The following GPAT4 variants were observed in gnomAD, a reference collection of about 807,000 sequenced individuals.
GPAT4 encodes the protein 1-AGP acyltransferase 6.
In GPAT4, 17 loss-of-function variants were observed where a neutral mutation model predicts 58.0. The ratio of observed to expected loss-of-function variants is 0.29; its 90% CI spans 0.20 to 0.44. The LOEUF is 0.44. Among genes scored for constraint, GPAT4 ranks in the 20% least tolerant of loss-of-function variants. GPAT4 has a pLI of 1.00. For missense variants in GPAT4, 377 were observed against 574.5 expected, an observed-to-expected ratio of 0.66 and a Z score of 3.51; for synonymous variants, 204 against 210.1, an observed-to-expected ratio of 0.97 and a Z score of 0.25.
Position 41,586,292 on chromosome 8 carries a change from A to C in GPAT4, c.-849+8014A>C, listed in dbSNP as rs534731740. Among the ~76,000 whole-genome samples the C allele has an allele frequency of 2.0e-5, 3 of 152,326 alleles. No homozygotes were observed. In the South Asian group the frequency reaches 6.2e-4, roughly 32 times the overall value. On this transcript the variant is annotated intron_variant, in intron 1 of 12. Coordinates refer to ENST00000396987, the MANE Select transcript of GPAT4 (RefSeq NM_178819.4). ...AAAGGTTCCATTGTATGGATACACC[A>C]CATTTTGTTTATCCAGTCATCAGTT...
At position 41,611,890 on chromosome 8, in the gene GPAT4, C is replaced by T. The variant is rs1459530783; in HGVS notation, c.612-13C>T. On this transcript the variant is annotated splice_polypyrimidine_tract_variant and intron_variant, in intron 5 of 12. Coordinates refer to ENST00000396987, the MANE Select transcript of GPAT4 (RefSeq NM_178819.4). Reference sequence around the variant, plus strand: ...GTAAAATAAAACCCAGAATCCTTGTCCTGTTATTGCAGGTTTAAGGAGTTC... The same window carrying T: ...GTAAAATAAAACCCAGAATCCTTGTTCTGTTATTGCAGGTTTAAGGAGTTC... 6.2e-7 allele frequency: 1 copy of T among 1,612,468 alleles called. No homozygotes were observed. Among genetic ancestry groups the T allele is most frequent in the Admixed American group, 1.7e-5 (1 of 59,976 alleles).
At chr8:41,599,424 G>T (rs976429977) in intron 2 of GPAT4, 120 bp downstream of exon 2, 29 of 1,231,184 alleles carry the variant, frequency 2.4e-5, no homozygotes, top group Non-Finnish European at 3.2e-5. Context: ...GGGAGAATGG[G>T]AAGTGGCTTT....
At chr8:41,599,827 C>T (rs796961353) in intron 2 of GPAT4, among the ~76,000 whole-genome samples, 8 of 152,264 alleles carry the variant, frequency 5.3e-5, no homozygotes, top group African/African-American at 9.6e-5. Flanking sequence ...CCAAACTGGT[C>T]ACATTGTAAG....
intron 2 of GPAT4, among the ~76,000 whole-genome samples, chr8:41,605,709 G>C (rs1803244175): frequency 6.6e-6 from 1 of 152,108 alleles, no homozygotes. Context: ...AGTAGTTGGG[G>C]TTACAGGCCT....
chr8:41,586,739 C>CT (rs1442381623), intron 1 of GPAT4, among the ~76,000 whole-genome samples: 1 of 152,154 alleles, frequency 6.6e-6, no homozygotes, highest in Non-Finnish European at 1.5e-5. Flanking sequence ...GATCCCCCTC[C>CT]TTTTTTTAGA....
chr8:41,618,097 G>C (rs1449927307), intron 10 of GPAT4, among the ~76,000 whole-genome samples: 2 of 152,246 alleles, frequency 1.3e-5, no homozygotes, highest in Admixed American at 1.3e-4. Flanking sequence ...CTGTCAGCGT[G>C]AGCACAGAGC....
At chr8:41,582,440 A>G (rs1802540848) in intron 1 of GPAT4, among the ~76,000 whole-genome samples, 1 of 122,928 alleles carries the variant, frequency 8.1e-6, no homozygotes, top group Non-Finnish European at 1.7e-5. Flanking sequence ...AGGGTGGGAA[A>G]GTATACACAC....
intron 8 of GPAT4, among the ~76,000 whole-genome samples, chr8:41,614,140 T>G (rs1404111689): frequency 6.6e-6 from 1 of 152,146 alleles, no homozygotes; most frequent in Non-Finnish European, 1.5e-5. Context: ...TTGAGTGGCA[T>G]CATTGGTGCT....
intron 1 of GPAT4, chr8:41,584,749 G>A (rs1290511693): frequency 6.6e-6 from 1 of 151,908 alleles, no homozygotes; most frequent in African/African-American, 2.4e-5. Context: ...TTTTGGTTTT[G>A]TTTTCTGTTT....
intron 1 of GPAT4, among the ~76,000 whole-genome samples, chr8:41,582,077 C>T (rs1388903903): frequency 1.6e-5 from 2 of 128,922 alleles, no homozygotes; most frequent in Non-Finnish European, 3.1e-5. Flanking sequence ...GGCGAGATCT[C>T]GGCTCTCTGC....
chr8:41,622,543 CCT>C lies in GPAT4; in HGVS notation c.*1546_*1547del, dbSNP rs1279030166. The stretch of plus-strand genomic sequence containing the variant: ...GCTCCCTCGTGGCACAGTCATGATG[CCT>C]CTCAGGATTTTGTGCCTGTGGTGCT... On this transcript the variant is annotated 3_prime_UTR_variant, in exon 13 of 13. Coordinates refer to ENST00000396987, the MANE Select transcript of GPAT4 (RefSeq NM_178819.4). 6.6e-6 allele frequency: 1 copy of C among 152,388 alleles called. No homozygotes were observed. The highest frequency in any genetic ancestry group is 1.5e-5 in the Non-Finnish European group (1 of 68,114). The allele number at this position is 152,388 out of a possible 1,614,324, so 9.4% of individuals were successfully genotyped here.
intron 12 of GPAT4, 84 bp from the exon 13 acceptor site, chr8:41,620,809 T>C (rs1280550830): frequency 6.6e-7 from 1 of 1,520,474 alleles, no homozygotes; most frequent in Non-Finnish European, 8.9e-7. Flanking sequence ...TCTTGGTGTT[T>C]GGGCAGCATG....
Position 41,600,031 on chromosome 8 carries a change from C to CTTTTTTTTTTTTTT in GPAT4, c.165+731_165+732insTTTTTTTTTTTTTT, listed in dbSNP as rs1563273268. 1.2e-4 allele frequency among the ~76,000 whole-genome samples: 9 copies of CTTTTTTTTTTTTTT among 75,404 alleles called. 1 individual carries two copies. The highest frequency in any genetic ancestry group is 4.5e-4 in the African/African-American group (8 of 17,842). The allele number at this position is 75,404 out of a possible 152,430, so 49.5% of individuals were successfully genotyped here. ...AGCATTGTTCATATTTTATCTTTTT[C>CTTTTTTTTTTTTTT]TTTTCTTTTTTTTTTTTTTTTTTCG... is the stretch of plus-strand genomic sequence containing the variant. On this transcript the variant is annotated intron_variant, in intron 2 of 12. Transcript: ENST00000396987.
At chr8:41,590,596 G>A (rs1199434663) in intron 1 of GPAT4, among the ~76,000 whole-genome samples, 3 of 152,188 alleles carry the variant, frequency 2.0e-5, no homozygotes, top group East Asian at 3.8e-4. Context: ...ATTACTTGAG[G>A]GTGGTATATG....
chr8:41,581,349 C>G (rs1415224504), intron 1 of GPAT4, among the ~76,000 whole-genome samples: 2 of 152,178 alleles, frequency 1.3e-5, no homozygotes, highest in East Asian at 3.8e-4. Context: ...CTTGTACAAT[C>G]TTAGTATGTT....
chr8:41,587,118 C>G (rs1802675659), intron 1 of GPAT4, among the ~76,000 whole-genome samples: 1 of 152,202 alleles, frequency 6.6e-6, no homozygotes, highest in Admixed American at 6.5e-5. Flanking sequence ...TCAGTTTTTA[C>G]TAATGCATTT....
chr8:41,592,979 T>C (rs998179022), intron 1 of GPAT4, among the ~76,000 whole-genome samples: 1 of 152,178 alleles, frequency 6.6e-6, no homozygotes, highest in East Asian at 1.9e-4. Flanking sequence ...GTGGCCCAAA[T>C]GACACAAGAC....
chr8:41,578,605 G>A (rs1802426995), intron 1 of GPAT4: 1 of 152,262 alleles, frequency 6.6e-6, no homozygotes, highest in Non-Finnish European at 1.5e-5. Flanking sequence ...CCCGCCCCGG[G>A]AGTCCGGGGA....
At chr8:41,609,301 G>A in intron 2 of GPAT4, 115 bp from the exon 3 acceptor site, 1 of 1,090,186 alleles carries the variant, frequency 9.2e-7, no homozygotes, top group Non-Finnish European at 1.4e-6. Context: ...TGTGCTTCTT[G>A]GCTACGGTCT....
Sources: allele counts gnomAD v4.1 joint callset (sites outside exome capture counted in the v4.1 genomes callset), GRCh38; gene constraint gnomAD v4.1.1; transcripts MANE v1.5; gene names NCBI Gene and HGNC (gene_info 2026-07-23, HGNC 2026-07-21).